Variants in CTNND2 observed in about 807,000 individuals in gnomAD.
CTNND2 encodes the protein catenin delta-2.
In CTNND2, 22 loss-of-function variants were observed where a neutral mutation model predicts 144.4. That is an observed-to-expected ratio of 0.15 (90% CI 0.11 to 0.22). The LOEUF is 0.22. Among genes scored for constraint, CTNND2 ranks in the 10% least tolerant of loss-of-function variants. The pLI is 1.00. For missense variants in CTNND2, 1,353 were observed against 1,618.8 expected (o/e 0.84, Z 2.82); for synonymous variants, 751 against 695.6 (o/e 1.08, Z -1.25).
intron 10 of CTNND2, 112 bp downstream of exon 10, chr5:11,236,579 A>C (rs543099775): frequency 2.5e-6 from 3 of 1,201,776 alleles, no homozygotes; most frequent in Non-Finnish European, 3.5e-6. Flanking sequence ...TATAGATCTA[A>C]ATTTTAAAAG....
intron 18 of CTNND2, among the ~76,000 whole-genome samples, chr5:11,016,332 T>C (rs1474642958): frequency 6.6e-6 from 1 of 152,224 alleles, no homozygotes; most frequent in Non-Finnish European, 1.5e-5. Context: ...GGCTACACTT[T>C]ATAAAACTTC....
At chr5:11,864,380 C>A (rs1332145740) in intron 1 of CTNND2, among the ~76,000 whole-genome samples, 1 of 152,200 alleles carries the variant, frequency 6.6e-6, no homozygotes, top group African/African-American at 2.4e-5. Context: ...CGAAATGTGA[C>A]ATTTTGATTA....
chr5:11,611,729 G>T (rs1469889407), intron 2 of CTNND2, among the ~76,000 whole-genome samples: 1 of 152,208 alleles, frequency 6.6e-6, no homozygotes, highest in African/African-American at 2.4e-5. Context: ...AGTGAGCCGA[G>T]ATCGCGCCAA....
In CTNND2 at chr5:11,296,192, C is replaced by T. The variant is rs546341527; in HGVS notation, c.1628+50180G>A. ...TTGAAGGATATGAACAGACACTTCTCAAAAGAAGACATTTATGCAGCCAAA... is the reference window on the plus strand; with the variant it reads ...TTGAAGGATATGAACAGACACTTCTTAAAAGAAGACATTTATGCAGCCAAA... On this transcript the variant is annotated intron_variant, in intron 9 of 21. Transcript: ENST00000304623. Among the ~76,000 whole-genome samples the T allele has an allele frequency of 5.2e-4, 79 of 151,956 alleles. 1 individual carries two copies. The highest frequency in any genetic ancestry group is 1.5e-3 in the African/African-American group (61 of 41,412).
chr5:11,740,332 C>G (rs1355519926), intron 1 of CTNND2, among the ~76,000 whole-genome samples: 6 of 151,844 alleles, frequency 4.0e-5, no homozygotes, highest in South Asian at 2.1e-4. Flanking sequence ...GTACTGGTAC[C>G]AAAACAGACG....
At chr5:11,637,776 C>T (rs927207244) in intron 2 of CTNND2, among the ~76,000 whole-genome samples, 6 of 152,026 alleles carry the variant, frequency 3.9e-5, no homozygotes, top group African/African-American at 1.4e-4. Context: ...TTTTTCAAAT[C>T]CAATTTGATT....
At chr5:11,016,104 C>A (rs1256529163) in intron 18 of CTNND2, among the ~76,000 whole-genome samples, 2 of 152,092 alleles carry the variant, frequency 1.3e-5, no homozygotes, top group Non-Finnish European at 2.9e-5. Flanking sequence ...ACAGTATTTG[C>A]GAGATGCAAA....
chr5:11,869,420 C>A (rs977831717), intron 1 of CTNND2, among the ~76,000 whole-genome samples: 3 of 152,118 alleles, frequency 2.0e-5, no homozygotes, highest in South Asian at 2.1e-4. Context: ...CTGACACATG[C>A]CACAACATGG....
chr5:11,363,752 C>T (rs2149769798), intron 8 of CTNND2, among the ~76,000 whole-genome samples: 1 of 152,270 alleles, frequency 6.6e-6, no homozygotes, highest in East Asian at 1.9e-4. Context: ...AAGAAAATTG[C>T]TATGCTCTAC....
chr5:11,370,975 G>A (rs1284227119), intron 7 of CTNND2, among the ~76,000 whole-genome samples: 1 of 152,224 alleles, frequency 6.6e-6, no homozygotes, highest in Non-Finnish European at 1.5e-5. Context: ...TGTAAGGTCA[G>A]TTAATGCACT....
chr5:11,008,787 G>C (rs2149521529), intron 18 of CTNND2, among the ~76,000 whole-genome samples: 1 of 152,292 alleles, frequency 6.6e-6, no homozygotes, highest in Admixed American at 6.5e-5. Flanking sequence ...AACTTCCTTG[G>C]AAGTAATCAA....
chr5:11,467,884 T>G (rs927464148), intron 3 of CTNND2, among the ~76,000 whole-genome samples: 5 of 152,214 alleles, frequency 3.3e-5, no homozygotes, highest in African/African-American at 1.2e-4. Flanking sequence ...GGCATAAAGA[T>G]AAATACAAGT....
Position 11,517,125 on chromosome 5 carries a change from A to C in CTNND2, c.287+47819T>G, listed in dbSNP as rs533403976. Among the ~76,000 whole-genome samples, 8 of 152,328 alleles carry C rather than the reference A, an allele frequency of 5.3e-5. No individual in the cohort carries two copies. In the East Asian group the frequency reaches 1.4e-3, roughly 26 times the overall value. ...CACTTAACCATTGTGTTTATGTTCC[A>C]CACGTGATATGTGACGTACACACTG... On this transcript the variant is annotated intron_variant, in intron 3 of 21. Coordinates refer to ENST00000304623, the MANE Select transcript of CTNND2 (RefSeq NM_001332.4).
chr5:11,466,808 C>G (rs1273295522), intron 3 of CTNND2, among the ~76,000 whole-genome samples: 1 of 152,202 alleles, frequency 6.6e-6, no homozygotes, highest in African/African-American at 2.4e-5. Flanking sequence ...CCTCCCCCAC[C>G]AAATCAGTTC....
chr5:11,249,233 C>T (rs901161137), intron 9 of CTNND2, among the ~76,000 whole-genome samples: 1 of 152,218 alleles, frequency 6.6e-6, no homozygotes, highest in Admixed American at 6.5e-5. Flanking sequence ...ACTTCAGAAA[C>T]AAGCTGCTAG....
At chr5:11,817,390 GA>G (rs1338045126) in intron 1 of CTNND2, among the ~76,000 whole-genome samples, 18 of 36,238 alleles carry the variant, frequency 5.0e-4, no homozygotes, top group Admixed American at 8.1e-4. Context: ...AGAGAGGGGG[GA>G]GAGAGAGAGA....
At chr5:11,540,028 G>T (rs565368333) in intron 3 of CTNND2, among the ~76,000 whole-genome samples, 1 of 151,412 alleles carries the variant, frequency 6.6e-6, no homozygotes, top group Non-Finnish European at 1.5e-5. Context: ...AACAAGACTC[G>T]GCCTCAAAAA....
At chr5:11,662,097 A>G (rs566285993) in intron 2 of CTNND2, among the ~76,000 whole-genome samples, 2 of 149,384 alleles carry the variant, frequency 1.3e-5, no homozygotes, top group African/African-American at 4.9e-5. Context: ...ATACATATAT[A>G]CACATATTTA....
At chr5:11,087,266 G>A (rs1287972710) in intron 15 of CTNND2, among the ~76,000 whole-genome samples, 2 of 152,158 alleles carry the variant, frequency 1.3e-5, no homozygotes, top group African/African-American at 2.4e-5. Flanking sequence ...TCATTCCCAT[G>A]ACAAGAGGGT....
Sources: allele counts gnomAD v4.1 joint callset (sites outside exome capture counted in the v4.1 genomes callset), GRCh38; gene constraint gnomAD v4.1.1; transcripts MANE v1.5; gene names NCBI Gene and HGNC (gene_info 2026-07-23, HGNC 2026-07-21).